The following TSPAN4 variants were observed in gnomAD, a reference collection of about 807,000 sequenced individuals.
TSPAN4 encodes tetraspanin 4.
Under a neutral mutation model 31.5 loss-of-function variants are expected in TSPAN4, and 38 were observed. The ratio of observed to expected loss-of-function variants is 1.21; its 90% confidence interval spans 0.93 to 1.58. TSPAN4 has a LOEUF of 1.58. TSPAN4 is among the 40% of genes most tolerant of loss of function. TSPAN4 has a pLI of 0.00. For missense variants in TSPAN4, 330 were observed against 317.3 expected (o/e 1.04, Z -0.30); for synonymous variants, 186 against 144.6 (o/e 1.29, Z -2.06).
At chr11:864,585 C>G in intron 5 of TSPAN4, 74 bp downstream of exon 5, 13 of 1,574,888 alleles carry the variant, frequency 8.3e-6, no homozygotes, top group Non-Finnish European at 1.1e-5. Flanking sequence ...GCACTGTGGG[C>G]CCGGTGTGGA....
intron 3 of TSPAN4, 101 bp downstream of exon 3, chr11:850,468 G>C: frequency 1.0e-6 from 1 of 993,162 alleles, no homozygotes; most frequent in South Asian, 1.4e-5. Flanking sequence ...CCGGCCAGGC[G>C]TTGGGTGCGG....
At position 862,726 on chromosome 11, in the gene TSPAN4, G is replaced by A. The variant is rs778563274; in HGVS notation, c.240G>A (p.Lys80=). 3.7e-6 allele frequency: 6 copies of A among 1,612,048 alleles called. No homozygotes were observed. The highest frequency in any genetic ancestry group is 5.1e-6 in the Non-Finnish European group (6 of 1,179,306). ...GCCTGGGTGCCATCAAGGAGAACAA[G>A]TGCCTCCTGCTCACTGTGAGTGCCG... is the stretch of plus-strand genomic sequence containing the variant. ...VGCLGAIKEN[K]CLLLTFFLLL... The change falls in exon 4 of 9, where the codon AAG becomes AAA. Residue 80 remains lysine, a synonymous_variant. Coordinates refer to ENST00000397397, the MANE Select transcript of TSPAN4 (RefSeq NM_003271.5).
rs1847462568 is a variant in TSPAN4 at position 848,810 on chromosome 11, A to G, written c.-17-1478A>G. 2 of 615,646 alleles carry G rather than the reference A, an allele frequency of 3.2e-6. No homozygotes were observed. The highest frequency in any genetic ancestry group is 1.9e-5 in the South Asian group (1 of 52,472). The allele number at this position is 615,646 out of a possible 1,614,324, so 38.1% of individuals were successfully genotyped here. A position where few individuals can be genotyped will look rare whatever the true frequency, so the allele number is the denominator to read the frequency against. On this transcript the variant is annotated intron_variant, in intron 2 of 8. Transcript: ENST00000397397. The surrounding 1 kb of genome is among the most constrained non-coding windows in gnomAD (Gnocchi z 5.7). ...TGCCCTGTGGTGGGGCTGGGGCTTC[A>G]GAGGCGTGGGGTAGGCTGCAGGGCA...
intron 1 of TSPAN4, chr11:843,260 C>T (rs1847072492): frequency 6.6e-6 from 1 of 152,208 alleles, no homozygotes; most frequent in Admixed American, 6.5e-5. Flanking sequence ...CAATTACAGC[C>T]CCCGCCGGCA....
chr11:852,486 TG>T (rs1250362781), intron 3 of TSPAN4, among the ~76,000 whole-genome samples: 1 of 152,220 alleles, frequency 6.6e-6, no homozygotes, highest in African/African-American at 2.4e-5. Context: ...ACACCAGCCT[TG>T]GCCCCCCCCA....
chr11:848,830 A>G lies in TSPAN4; in HGVS notation c.-17-1458A>G. 2 of 651,180 alleles carry G rather than the reference A, an allele frequency of 3.1e-6. No individual in the cohort carries two copies. Among genetic ancestry groups the G allele is most frequent in the African/African-American group, 1.8e-5 (1 of 55,222 alleles). 40.3% of individuals were successfully genotyped at this position (651,180 alleles called of 1,614,324 possible). On this transcript the variant is annotated intron_variant, in intron 2 of 8. Coordinates refer to ENST00000397397, the MANE Select transcript of TSPAN4 (RefSeq NM_003271.5). This position sits in a 1 kb window ranked among gnomAD's most constrained non-coding sequence, Gnocchi z 5.7. Reference sequence around the variant, plus strand: ...GCTTCAGAGGCGTGGGGTAGGCTGCAGGGCACAGCTGGGGGCCTCTGTCCC... The same window carrying G: ...GCTTCAGAGGCGTGGGGTAGGCTGCGGGGCACAGCTGGGGGCCTCTGTCCC...
At chr11:859,338 T>C (rs1285638615) in intron 3 of TSPAN4, among the ~76,000 whole-genome samples, 1 of 5,182 alleles carries the variant, frequency 1.9e-4, no homozygotes, top group Non-Finnish European at 3.1e-4. Flanking sequence ...CACCCCGGGC[T>C]CACACGCACC....
intron 3 of TSPAN4, among the ~76,000 whole-genome samples, chr11:856,714 A>G (rs1313301582): frequency 6.6e-6 from 1 of 152,232 alleles, no homozygotes; most frequent in East Asian, 1.9e-4. Context: ...GCTGCTCCCC[A>G]TCTGGCTGCA....
rs560594452 is a variant in TSPAN4, at chr11:846,257, C to T, written c.-117-944C>T. Among the ~76,000 whole-genome samples, 3 of 152,234 alleles carry T rather than the reference C, an allele frequency of 2.0e-5. No individual in the cohort carries two copies. The East Asian group carries it at 5.8e-4, about 29-fold the overall frequency. ...CTCCACGGGCATGGCACCCAGGCTG[C>T]TGCAGACAGGCTGCTTTATCATGTG... On this transcript the variant is annotated intron_variant, in intron 1 of 8. Transcript: ENST00000397397.
chr11:860,102 C>G lies in TSPAN4; in HGVS notation c.64-2448C>G, dbSNP rs1316859805. Among the ~76,000 whole-genome samples, 3 of 152,256 alleles carry G rather than the reference C, an allele frequency of 2.0e-5. No individual in the cohort carries two copies. In the East Asian group the frequency reaches 5.8e-4, roughly 29 times the overall value. ...CCCAAGATAGGTCCTGCGCTGGCAG[C>G]CTCCGGACAGCGTTCTGTTTTGAAC... On this transcript the variant is annotated intron_variant, in intron 3 of 8. Coordinates refer to ENST00000397397, the MANE Select transcript of TSPAN4 (RefSeq NM_003271.5).
intron 3 of TSPAN4, among the ~76,000 whole-genome samples, chr11:860,783 G>A (rs1275478276): frequency 1.3e-5 from 2 of 152,158 alleles, no homozygotes; most frequent in African/African-American, 2.4e-5. Flanking sequence ...TGGTCTGGGT[G>A]CTCCAAGGGG....
chr11:855,554 G>A (rs1474157315), intron 3 of TSPAN4, among the ~76,000 whole-genome samples: 1 of 152,198 alleles, frequency 6.6e-6, no homozygotes, highest in African/African-American at 2.4e-5. Context: ...ACTGGCCTCA[G>A]GGTGGGCCTT....
At chr11:861,792 T>C (rs1434380031) in intron 3 of TSPAN4, among the ~76,000 whole-genome samples, 1 of 150,488 alleles carries the variant, frequency 6.6e-6, no homozygotes, top group African/African-American at 2.5e-5. Context: ...GGTGGGGGCA[T>C]GCCTGTAATC....
Position 850,292 on chromosome 11 carries a change from G to T in TSPAN4, c.-13G>T. 6.2e-7 allele frequency: 1 copy of T among 1,606,538 alleles called. No homozygotes were observed. The highest frequency in any genetic ancestry group is 1.1e-5 in the South Asian group (1 of 90,530). ...TCTCCTTCATCTTCCTCCTAGAACT[G>T]AAGCGCTGCGGCATGGCGCGCGCCT... On this transcript the variant is annotated 5_prime_UTR_variant, in exon 3 of 9. Coordinates refer to ENST00000397397, the MANE Select transcript of TSPAN4 (RefSeq NM_003271.5).
rs1270614970 is a variant in TSPAN4, at chr11:849,424, T to C, written c.-17-864T>C. Among the ~76,000 whole-genome samples the C allele has an allele frequency of 2.0e-5, 3 of 151,506 alleles. No homozygotes were observed. The East Asian group carries it at 5.9e-4, about 30-fold the overall frequency. ...CAGACAGCAACGGGGTCACCCTCCA[T>C]TTGCGTAGTGCTTTGAGTATCGTTC... On this transcript the variant is annotated intron_variant, in intron 2 of 8. Coordinates refer to ENST00000397397, the MANE Select transcript of TSPAN4 (RefSeq NM_003271.5).
At chr11:854,416 C>T (rs915002053) in intron 3 of TSPAN4, among the ~76,000 whole-genome samples, 3 of 152,264 alleles carry the variant, frequency 2.0e-5, no homozygotes, top group Admixed American at 6.5e-5. Flanking sequence ...CCATGTGGGG[C>T]GGTAGAGGGT....
intron 1 of TSPAN4, among the ~76,000 whole-genome samples, chr11:845,730 A>G (rs779385712): frequency 6.6e-6 from 1 of 151,884 alleles, no homozygotes; most frequent in Non-Finnish European, 1.5e-5. Context: ...CAGTGCAGGA[A>G]AGGATTACAG....
chr11:866,492 A>G lies in TSPAN4; in HGVS notation c.649-70A>G. Reference sequence around the variant, plus strand: ...CAGGGCCAGGGCACCTGCTGAGGACAGGGACTGCTCTGGGCTTGAGGCCTG... The same window carrying G: ...CAGGGCCAGGGCACCTGCTGAGGACGGGGACTGCTCTGGGCTTGAGGCCTG... On this transcript the variant is annotated intron_variant, in intron 8 of 8. Coordinates refer to ENST00000397397, the MANE Select transcript of TSPAN4 (RefSeq NM_003271.5). 5.4e-6 allele frequency: 8 copies of G among 1,476,034 alleles called. No homozygotes were observed. In the Middle Eastern group the frequency reaches 7.0e-4, roughly 129 times the overall value. 91.4% of individuals were successfully genotyped at this position (1,476,034 alleles called of 1,614,324 possible). A position where few individuals can be genotyped will look rare whatever the true frequency, so the allele number is the denominator to read the frequency against.
At chr11:862,849 C>A in intron 4 of TSPAN4, 108 bp downstream of exon 4, 1 of 1,217,958 alleles carries the variant, frequency 8.2e-7, no homozygotes, top group Non-Finnish European at 1.1e-6. Flanking sequence ...TGGGCACCAC[C>A]TCTGGGGCCG....
Sources: allele counts gnomAD v4.1 joint callset (sites outside exome capture counted in the v4.1 genomes callset), GRCh38; gene constraint gnomAD v4.1.1; non-coding constraint Gnocchi (gnomAD v3.1); transcripts MANE v1.5; gene names NCBI Gene and HGNC (gene_info 2026-07-23, HGNC 2026-07-21).